ZNF362: variants seen among roughly 807,000 people sequenced by gnomAD.
ZNF362 encodes the protein rotund homolog.
Under a neutral mutation model 42.9 loss-of-function variants are expected in ZNF362, and 11 were observed. That is an observed-to-expected ratio of 0.26 (90% CI 0.16 to 0.42). The LOEUF (loss-of-function observed/expected upper bound fraction) is 0.42, where lower values mean the gene tolerates loss of function less well. ZNF362 is among the 20% of genes least tolerant of loss of function. The probability of loss-of-function intolerance (pLI) is 1.00; values close to 1 mark genes in which losing one functional copy is unlikely to be tolerated. For synonymous variants in ZNF362, 255 were observed against 257.3 expected (o/e 0.99, Z 0.09); for missense variants, 362 against 576.2 (o/e 0.63, Z 3.81).
At chr1:33,129,472 T>C in the ZNF362 span, among the ~76,000 whole-genome samples, 2 of 152,230 alleles carry the variant, frequency 1.3e-5, no homozygotes, top group Non-Finnish European at 2.9e-5. This position sits in a 1 kb window ranked among gnomAD's most constrained non-coding sequence, Gnocchi z 4.1. Context: ...AAATTCTACC[T>C]CATTTTAATG....
the ZNF362 span, among the ~76,000 whole-genome samples, chr1:33,230,854 A>G: frequency 6.6e-6 from 1 of 152,224 alleles, no homozygotes; most frequent in Non-Finnish European, 1.5e-5. Flanking sequence ...AAGAAAATAT[A>G]GATGTAATCG....
chr1:33,259,838 C>T (rs1645817773), intron 1 of ZNF362, among the ~76,000 whole-genome samples: 1 of 152,258 alleles, frequency 6.6e-6, no homozygotes, highest in Admixed American at 6.5e-5. Context: ...AAAGGAGTTC[C>T]ATAAACCATC....
chr1:33,177,076 C>T, the ZNF362 span, among the ~76,000 whole-genome samples: 1 of 125,816 alleles, frequency 7.9e-6, no homozygotes, highest in Non-Finnish European at 1.7e-5. This position sits in a 1 kb window ranked among gnomAD's most constrained non-coding sequence, Gnocchi z 4.1. Context: ...TGCACACACA[C>T]ACATGCATGC....
At chr1:33,132,079 A>G in the ZNF362 span, among the ~76,000 whole-genome samples, 3,804 of 152,252 alleles carry the variant, frequency 0.025, 161 homozygotes, top group African/African-American at 0.087. Flanking sequence ...GACATCCCAC[A>G]TTCCAATTTC....
the ZNF362 span, among the ~76,000 whole-genome samples, chr1:33,250,061 CTCATTCAT>C: frequency 6.0e-3 from 914 of 152,230 alleles, 13 homozygotes; most frequent in East Asian, 0.082. Flanking sequence ...CAGTCATGTG[CTCATTCAT>C]TCATTCATTC....
the ZNF362 span, among the ~76,000 whole-genome samples, chr1:33,245,477 T>G: frequency 6.6e-6 from 1 of 152,028 alleles, no homozygotes; most frequent in South Asian, 2.1e-4. Flanking sequence ...AAAAGAGAGA[T>G]ATGCCCATGT....
At chr1:33,182,519 T>C in the ZNF362 span, among the ~76,000 whole-genome samples, 23 of 152,188 alleles carry the variant, frequency 1.5e-4, 1 homozygote, top group Admixed American at 1.3e-3. Flanking sequence ...AAGGAGTGCT[T>C]GGGGAGAAGT....
chr1:33,288,549 G>T (rs1442611869), intron 6 of ZNF362, among the ~76,000 whole-genome samples: 1 of 151,796 alleles, frequency 6.6e-6, no homozygotes, highest in Non-Finnish European at 1.5e-5. Context: ...GACTAGCCTG[G>T]CTGACGTGGT....
In ZNF362 at chr1:33,295,354, TC is replaced by T. The variant is rs780529741; in HGVS notation, c.1146+51del. 22 of 1,593,164 alleles carry T rather than the reference TC, an allele frequency of 1.4e-5. No individual in the cohort carries two copies. In the South Asian group the frequency reaches 2.5e-4, roughly 18 times the overall value. ...CTGCCCCGGGGGAGCCACTTCGTCT[TC>T]CAGGCCTCAGTTGCTTCCCCATTGT... On this transcript the variant is annotated intron_variant, in intron 8 of 8. Transcript: ENST00000539719.
At chr1:33,244,428 G>A in the ZNF362 span, among the ~76,000 whole-genome samples, 1 of 152,218 alleles carries the variant, frequency 6.6e-6, no homozygotes, top group Admixed American at 6.5e-5. The surrounding 1 kb of genome is among the most constrained non-coding windows in gnomAD (Gnocchi z 4.0). Flanking sequence ...ATTGAGTACA[G>A]AGTATGTGCT....
chr1:33,264,003 C>T (rs1645847082), intron 1 of ZNF362, among the ~76,000 whole-genome samples: 1 of 152,146 alleles, frequency 6.6e-6, no homozygotes, highest in African/African-American at 2.4e-5. Flanking sequence ...GCTGCTGTGG[C>T]CTGCTTGGGG....
chr1:33,191,428 T>A, the ZNF362 span, among the ~76,000 whole-genome samples: 1 of 152,336 alleles, frequency 6.6e-6, no homozygotes. Flanking sequence ...AGCAGGCACA[T>A]CTTCCAGCTT....
At chr1:33,200,204 C>CA in the ZNF362 span, 2 of 152,170 alleles carry the variant, frequency 1.3e-5, no homozygotes, top group Non-Finnish European at 2.9e-5. Flanking sequence ...GCTGCTGTGA[C>CA]AAAATACCTT....
chr1:33,181,104 A>G, the ZNF362 span: 6 of 1,599,970 alleles, frequency 3.8e-6, no homozygotes, highest in African/African-American at 1.3e-5. This position sits in a 1 kb window ranked among gnomAD's most constrained non-coding sequence, Gnocchi z 6.5. Context: ...GAAGAAGCAG[A>G]GAAGCGCGCG....
the ZNF362 span, among the ~76,000 whole-genome samples, chr1:33,240,539 T>TCACATGAGCAAA: frequency 6.6e-6 from 1 of 152,210 alleles, no homozygotes; most frequent in South Asian, 2.1e-4. Flanking sequence ...TTCTTACTAC[T>TCACATGAGCAAA]TATCTTTTCG....
the ZNF362 span, among the ~76,000 whole-genome samples, chr1:33,247,428 C>T: frequency 6.6e-6 from 1 of 152,024 alleles, no homozygotes; most frequent in Admixed American, 6.6e-5. Context: ...TCTTTAAGGA[C>T]CTTGCCCTAA....
chr1:33,250,912 A>G, the ZNF362 span, among the ~76,000 whole-genome samples: 1 of 152,238 alleles, frequency 6.6e-6, no homozygotes, highest in East Asian at 1.9e-4. Flanking sequence ...AAGAAGGTGC[A>G]TGGTTGATGC....
chr1:33,281,594 G>T lies in ZNF362; in HGVS notation c.691G>T (p.Val231Leu). 6.2e-7 allele frequency: 1 copy of T among 1,614,170 alleles called. No individual in the cohort carries two copies. The highest frequency in any genetic ancestry group is 8.5e-7 in the Non-Finnish European group (1 of 1,180,036). ...AKEGKTYRCK[V>L]CPLTFFTKSE... ...CTGTCTCTTGCTCCGCAGGTGTAAG[G>T]TATGCCCACTGACCTTTTTCACCAA... is the stretch of plus-strand genomic sequence containing the variant. Residue 231 changes from valine to leucine, a missense_variant, in exon 6 of 9, where the codon GTA becomes TTA. Physicochemically the swap from Val to Leu is conservative, Grantham distance 32. Coordinates refer to ENST00000539719, the MANE Select transcript of ZNF362 (RefSeq NM_152493.3). This position sits in a 1 kb window ranked among gnomAD's most constrained non-coding sequence, Gnocchi z 4.8.
chr1:33,252,178 T>C (rs908925783), upstream of ZNF362, among the ~76,000 whole-genome samples: 3 of 152,094 alleles, frequency 2.0e-5, no homozygotes, highest in Non-Finnish European at 2.9e-5. Flanking sequence ...CATGGAGAAA[T>C]ACGTCTTTAC....
Sources: allele counts gnomAD v4.1 joint callset (sites outside exome capture counted in the v4.1 genomes callset), GRCh38; gene constraint gnomAD v4.1.1; non-coding constraint Gnocchi (gnomAD v3.1); transcripts MANE v1.5; gene names NCBI Gene and HGNC (gene_info 2026-07-23, HGNC 2026-07-21).